Variants in SCAPER observed in about 807,000 individuals in gnomAD.
SCAPER encodes the protein S-phase cyclin A associated protein in the ER, also known as S phase cyclin A-associated protein in the endoplasmic reticulum.
A neutral mutation model predicts 182.2 loss-of-function variants in SCAPER; 98 were observed. That is an observed-to-expected ratio of 0.54 (90% confidence interval 0.46 to 0.64). The LOEUF is 0.64. Among genes scored for constraint, SCAPER ranks in the 30% least tolerant of loss-of-function variants. The pLI is 0.00. For missense variants in SCAPER, 1,432 were observed against 1,690.0 expected, an observed-to-expected ratio of 0.85 and a Z score of 2.68; for synonymous variants, 605 against 564.6, an observed-to-expected ratio of 1.07 and a Z score of -1.01.
At chr15:76,456,029 A>G (rs1026858273) in intron 25 of SCAPER, among the ~76,000 whole-genome samples, 4 of 152,186 alleles carry the variant, frequency 2.6e-5, no homozygotes, top group African/African-American at 7.2e-5. Flanking sequence ...GTAGTATTCC[A>G]TGGTGTATAT....
intron 24 of SCAPER, among the ~76,000 whole-genome samples, chr15:76,478,759 A>G (rs1236205587): frequency 6.6e-6 from 1 of 152,020 alleles, no homozygotes; most frequent in African/African-American, 2.4e-5. Context: ...TCTATTTCAC[A>G]TTGTTTTGTG....
intron 21 of SCAPER, 54 bp from the exon 22 acceptor site, chr15:76,621,883 A>C: frequency 7.8e-7 from 1 of 1,282,642 alleles, no homozygotes; most frequent in Non-Finnish European, 1.1e-6. Context: ...TTTTATAATA[A>C]ACCAAAATGT....
At position 76,777,833 on chromosome 15, in the gene SCAPER, C is replaced by T. The variant is rs73445322; in HGVS notation, c.773-2716G>A. On this transcript the variant is annotated intron_variant, in intron 8 of 31. Coordinates refer to ENST00000563290, the MANE Select transcript of SCAPER (RefSeq NM_020843.4). ...GTGGTCACAACCTGATAAACTCATA[C>T]ACAGTAAGTTTGAAATATCAAATCA... 4.4e-3 allele frequency among the ~76,000 whole-genome samples: 665 copies of T among 152,280 alleles called. 7 individuals carry two copies. The highest frequency in any genetic ancestry group is 0.015 in the African/African-American group (633 of 41,558).
At chr15:76,631,946 T>C (rs1266666323) in intron 21 of SCAPER, among the ~76,000 whole-genome samples, 1 of 152,212 alleles carries the variant, frequency 6.6e-6, no homozygotes, top group Non-Finnish European at 1.5e-5. Flanking sequence ...TTTGGCCTTT[T>C]AACAGTCCCA....
intron 23 of SCAPER, among the ~76,000 whole-genome samples, chr15:76,548,656 C>T (rs2045496861): frequency 1.3e-5 from 2 of 152,202 alleles, no homozygotes; most frequent in South Asian, 4.1e-4. Flanking sequence ...TTACAACCAT[C>T]TGATCTTTGA....
chr15:76,499,609 T>C (rs533392273), intron 24 of SCAPER, among the ~76,000 whole-genome samples: 3 of 152,210 alleles, frequency 2.0e-5, no homozygotes, highest in African/African-American at 4.8e-5. Context: ...TACAATCTAC[T>C]TGGGGAGATG....
At chr15:76,618,503 G>A (rs943470603) in intron 22 of SCAPER, among the ~76,000 whole-genome samples, 6 of 152,072 alleles carry the variant, frequency 3.9e-5, no homozygotes, top group Admixed American at 6.5e-5. Flanking sequence ...AATATTTACA[G>A]CAAACTTACT....
At chr15:76,479,391 G>A (rs1443001705) in intron 24 of SCAPER, among the ~76,000 whole-genome samples, 1 of 152,128 alleles carries the variant, frequency 6.6e-6, no homozygotes, top group African/African-American at 2.4e-5. Flanking sequence ...GATTTTCAAA[G>A]TATCTTTTGA....
chr15:76,409,570 C>T (rs1185085596), intron 26 of SCAPER, among the ~76,000 whole-genome samples: 1 of 151,578 alleles, frequency 6.6e-6, no homozygotes, highest in Non-Finnish European at 1.5e-5. Context: ...CAAACTTCAC[C>T]ATTAGGTAAT....
At chr15:76,836,643 G>A (rs1237703971) in intron 5 of SCAPER, among the ~76,000 whole-genome samples, 1 of 152,162 alleles carries the variant, frequency 6.6e-6, no homozygotes, top group African/African-American at 2.4e-5. Flanking sequence ...GGAGGCTGAG[G>A]TGGGAGGATC....
intron 26 of SCAPER, among the ~76,000 whole-genome samples, chr15:76,425,214 C>A (rs1277422688): frequency 6.6e-6 from 1 of 152,200 alleles, no homozygotes; most frequent in Non-Finnish European, 1.5e-5. Flanking sequence ...AGAGTGTTTT[C>A]CAACTTGGTT....
rs151255382 is a variant in SCAPER, at chr15:76,511,843, A to ATATATGTG, written c.2839-6870_2839-6869insCACATATA. Among the ~76,000 whole-genome samples the ATATATGTG allele has an allele frequency of 4.4e-3, 543 of 123,248 alleles. 6 individuals carry two copies. The highest frequency in any genetic ancestry group is 0.014 in the African/African-American group (404 of 29,780). 80.9% of individuals were successfully genotyped at this position (123,248 alleles called of 152,430 possible). A position where few individuals can be genotyped will look rare whatever the true frequency, so the allele number is the denominator to read the frequency against. On this transcript the variant is annotated intron_variant, in intron 23 of 31. Transcript: ENST00000563290. ...AGATACACTTATTATATATATATAT[A>ATATATGTG]TGTGTGTGTGTGTGTGTGTGTGTGT...
At chr15:76,765,511 G>C in intron 12 of SCAPER, 52 bp downstream of exon 12, 1 of 1,607,526 alleles carries the variant, frequency 6.2e-7, no homozygotes, top group South Asian at 1.1e-5. Flanking sequence ...AAACATTTGA[G>C]AACAAACTTT....
intron 29 of SCAPER, among the ~76,000 whole-genome samples, chr15:76,370,109 T>A (rs897352398): frequency 1.3e-5 from 2 of 151,988 alleles, no homozygotes; most frequent in Non-Finnish European, 1.5e-5. Context: ...AAGGAAGGTA[T>A]GGAAAACCAC....
chr15:76,764,424 C>T (rs551058489), intron 14 of SCAPER, among the ~76,000 whole-genome samples: 9 of 152,344 alleles, frequency 5.9e-5, no homozygotes, highest in Admixed American at 5.2e-4. Flanking sequence ...TGCAGGCATA[C>T]ATGTGGCAAT....
intron 8 of SCAPER, among the ~76,000 whole-genome samples, chr15:76,793,913 C>G (rs899894985): frequency 1.3e-5 from 2 of 152,166 alleles, no homozygotes; most frequent in African/African-American, 4.8e-5. Context: ...AGCTCCACAG[C>G]GTCAGAATTA....
chr15:76,621,700 TGA>T, intron 22 of SCAPER, 62 bp downstream of exon 22: 2 of 1,260,630 alleles, frequency 1.6e-6, no homozygotes, highest in Non-Finnish European at 2.3e-6. Flanking sequence ...ACATGATGGT[TGA>T]GATACACTTT....
At chr15:76,898,471 A>G (rs1170740287) in intron 1 of SCAPER, among the ~76,000 whole-genome samples, 2 of 152,270 alleles carry the variant, frequency 1.3e-5, no homozygotes, top group East Asian at 3.8e-4. Context: ...GCAATAGCCA[A>G]AAAGTAGAAA....
intron 27 of SCAPER, among the ~76,000 whole-genome samples, chr15:76,403,965 G>A (rs140211000): frequency 5.3e-4 from 80 of 152,228 alleles, no homozygotes; most frequent in African/African-American, 1.9e-3. Context: ...AGCCAACCAG[G>A]CCAGTAGTAG....
Sources: allele counts gnomAD v4.1 joint callset (sites outside exome capture counted in the v4.1 genomes callset), GRCh38; gene constraint gnomAD v4.1.1; transcripts MANE v1.5; gene names NCBI Gene and HGNC (gene_info 2026-07-23, HGNC 2026-07-21).